PCLO: variants seen among roughly 807,000 people sequenced by gnomAD.
The protein encoded by PCLO is protein piccolo.
Under a neutral mutation model 427.5 loss-of-function variants are expected in PCLO, and 82 were observed. The ratio of observed to expected loss-of-function variants is 0.19; its 90% CI spans 0.16 to 0.23. PCLO has a LOEUF of 0.23. Ranked by LOEUF, PCLO falls within the 10% of genes least tolerant of loss-of-function variation. The pLI, the probability that PCLO is intolerant of heterozygous loss-of-function variation, is 1.00. For missense variants in PCLO, 6,239 were observed against 6,115.9 expected (o/e 1.02, Z -0.67); for synonymous variants, 2,357 against 2,155.4 (o/e 1.09, Z -2.59).
intron 16 of PCLO, among the ~76,000 whole-genome samples, chr7:82,833,506 G>A (rs1237014557): frequency 6.6e-6 from 1 of 151,706 alleles, no homozygotes; most frequent in Non-Finnish European, 1.5e-5. Context: ...ATCAGAGGGT[G>A]GGAAGAAAAA....
intron 18 of PCLO, among the ~76,000 whole-genome samples, chr7:82,825,930 TGTTC>T (rs1328506873): frequency 6.7e-6 from 1 of 148,974 alleles, no homozygotes; most frequent in Non-Finnish European, 1.5e-5. Flanking sequence ...GTATATATTA[TGTTC>T]ATATATATAA....
At chr7:82,850,068 G>A (rs1158338726) in intron 10 of PCLO, among the ~76,000 whole-genome samples, 1 of 152,000 alleles carries the variant, frequency 6.6e-6, no homozygotes. Flanking sequence ...GAGTGCAGTG[G>A]CACAATCTTG....
chr7:82,798,763 T>C (rs1791281295), intron 22 of PCLO, among the ~76,000 whole-genome samples: 1 of 152,218 alleles, frequency 6.6e-6, no homozygotes, highest in South Asian at 2.1e-4. Flanking sequence ...AATTTGATTA[T>C]TGTCAAATGT....
intron 3 of PCLO, among the ~76,000 whole-genome samples, chr7:83,073,177 T>C (rs1347559986): frequency 2.0e-5 from 3 of 152,006 alleles, no homozygotes; most frequent in Non-Finnish European, 2.9e-5. Context: ...TTCTCACCTA[T>C]AGTATATAAG....
At chr7:82,902,167 G>C (rs886490012) in intron 9 of PCLO, among the ~76,000 whole-genome samples, 4 of 151,822 alleles carry the variant, frequency 2.6e-5, no homozygotes, top group African/African-American at 9.7e-5. Flanking sequence ...CAAAGACTTG[G>C]AACCAAGCCA....
chr7:83,017,542 A>T (rs747969480), intron 3 of PCLO, among the ~76,000 whole-genome samples: 9 of 152,016 alleles, frequency 5.9e-5, no homozygotes, highest in Non-Finnish European at 1.3e-4. Context: ...AGGTTCACTG[A>T]ACTCCAAAGA....
chr7:82,829,734 C>T lies in PCLO; in HGVS notation c.14250-1768G>A, dbSNP rs112792058. Reference sequence around the variant, plus strand: ...ACCCAAACATCCAAATATTCAATTTCTACTAATTCCACTTCTGCCATAGAG... The same window carrying T: ...ACCCAAACATCCAAATATTCAATTTTTACTAATTCCACTTCTGCCATAGAG... On this transcript the variant is annotated intron_variant, in intron 16 of 24. Coordinates refer to ENST00000333891, the MANE Select transcript of PCLO (RefSeq NM_033026.6). Among the ~76,000 whole-genome samples the T allele has an allele frequency of 4.7e-3, 710 of 152,160 alleles. 5 individuals carry two copies. Among genetic ancestry groups the T allele is most frequent in the African/African-American group, 0.014 (561 of 41,524 alleles).
intron 3 of PCLO, among the ~76,000 whole-genome samples, chr7:83,065,697 T>C (rs1352665037): frequency 6.6e-6 from 1 of 152,026 alleles, no homozygotes; most frequent in East Asian, 1.9e-4. Flanking sequence ...TAAATAACAC[T>C]TGCAATTATT....
chr7:83,143,421 T>G (rs1791911857), intron 2 of PCLO, among the ~76,000 whole-genome samples: 1 of 152,148 alleles, frequency 6.6e-6, no homozygotes, highest in South Asian at 2.1e-4. Flanking sequence ...TTCTTTAAAA[T>G]AATACATCCA....
intron 6 of PCLO, among the ~76,000 whole-genome samples, chr7:82,918,671 T>C (rs1228237799): frequency 1.3e-5 from 2 of 152,058 alleles, no homozygotes; most frequent in African/African-American, 4.8e-5. Flanking sequence ...ATACTATTTG[T>C]TTTTTCTTAA....
chr7:83,069,799 C>CACACA (rs1554390633), intron 3 of PCLO, among the ~76,000 whole-genome samples: 3 of 75,516 alleles, frequency 4.0e-5, no homozygotes, highest in African/African-American at 1.1e-4. Flanking sequence ...ACCCCCCCGC[C>CACACA]CACACACACA....
Position 82,916,717 on chromosome 7 carries a change from T to C in PCLO, c.11269A>G (p.Met3757Val), listed in dbSNP as rs764159984. The C allele has an allele frequency of 1.5e-5, 24 of 1,613,574 alleles. No homozygotes were observed. Among genetic ancestry groups the C allele is most frequent in the East Asian group, 1.1e-4 (5 of 44,820 alleles). Reference sequence around the variant, plus strand: ...TCCTGGAGAATCTTGGCTCGTGCCATTGTGTTGGTTCTGCAGATCCTTCTC... The same window carrying C: ...TCCTGGAGAATCTTGGCTCGTGCCACTGTGTTGGTTCTGCAGATCCTTCTC... ...SRRRICRTNTMARAKILQDID... is the reference protein window; with the variant it reads ...SRRRICRTNTVARAKILQDID... The change falls in exon 7 of 25, where the codon ATG (methionine) becomes GTG (valine). Residue 3757 changes from methionine to valine, a missense_variant. This residue lies in a region of PCLO where 4,677 missense variants were observed against 4,468.4 expected (regional missense o/e 1.05). Transcript: ENST00000333891.
At position 82,945,986 on chromosome 7, in the gene PCLO, G is replaced by A. The variant is rs142876733; in HGVS notation, c.11112+3490C>T. Among the ~76,000 whole-genome samples the A allele has an allele frequency of 7.3e-4, 111 of 152,244 alleles. No homozygotes were observed. The East Asian group carries it at 0.014, about 20-fold the overall frequency. On this transcript the variant is annotated intron_variant, in intron 6 of 24. Transcript: ENST00000333891. ...ACTATGAAATATAGAGTCAGGGCACGGGTTTAGTAAGGAGCCATCATAAAA... is the reference window on the plus strand; with the variant it reads ...ACTATGAAATATAGAGTCAGGGCACAGGTTTAGTAAGGAGCCATCATAAAA...
At chr7:82,889,005 A>T (rs1224633084) in intron 9 of PCLO, among the ~76,000 whole-genome samples, 1 of 146,178 alleles carries the variant, frequency 6.8e-6, no homozygotes, top group Non-Finnish European at 1.5e-5. Flanking sequence ...CTTGCCAAAC[A>T]ATCCTCTTTA....
intron 3 of PCLO, among the ~76,000 whole-genome samples, chr7:83,075,771 C>A (rs942510626): frequency 2.0e-5 from 3 of 152,024 alleles, no homozygotes; most frequent in Non-Finnish European, 1.5e-5. Context: ...ATGATTATGA[C>A]ATTTTAAATA....
chr7:82,848,051 A>T (rs958161296), intron 10 of PCLO, among the ~76,000 whole-genome samples: 1 of 152,098 alleles, frequency 6.6e-6, no homozygotes, highest in African/African-American at 2.4e-5. Context: ...AATTTCATAG[A>T]AAAAAGAAAA....
rs1416841509 is a variant in PCLO, at chr7:83,025,067, G to A, written c.3301-58580C>T. 5.9e-5 allele frequency among the ~76,000 whole-genome samples: 9 copies of A among 152,146 alleles called. 1 individual carries two copies. Among genetic ancestry groups the A allele is most frequent in the East Asian group, 1.9e-4 (1 of 5,182 alleles). On this transcript the variant is annotated intron_variant, in intron 3 of 24. Transcript: ENST00000333891. ...AGCGCCTCTCCTCCTCCAAAGGAAC[G>A]CAGTTCCTCACCAGCAACGGAACAA...
At chr7:83,091,337 C>T (rs1225996699) in intron 3 of PCLO, among the ~76,000 whole-genome samples, 1 of 152,094 alleles carries the variant, frequency 6.6e-6, no homozygotes, top group East Asian at 1.9e-4. Flanking sequence ...GACACAAAAA[C>T]AGCTATGGAA....
At chr7:83,115,763 A>G (rs776450860) in intron 3 of PCLO, among the ~76,000 whole-genome samples, 4 of 152,020 alleles carry the variant, frequency 2.6e-5, no homozygotes, top group Non-Finnish European at 2.9e-5. Flanking sequence ...ACTGCTTCTT[A>G]TATTTCCCCT....
Sources: gnomAD v4.1 joint callset for allele counts (sites outside exome capture counted in the v4.1 genomes callset) on GRCh38, gnomAD v4.1.1 for gene constraint, gnomAD v4.1.1 regional missense constraint, MANE v1.5 for transcripts, NCBI Gene and HGNC (gene_info 2026-07-23, HGNC 2026-07-21) for gene names.